Variants in CATSPERB observed in about 807,000 individuals in gnomAD.
CATSPERB encodes cation channel sperm-associated auxiliary subunit beta.
A neutral mutation model predicts 128.3 loss-of-function variants in CATSPERB; 93 were observed. That is an observed-to-expected ratio of 0.72 (90% CI 0.61 to 0.86). The LOEUF (loss-of-function observed/expected upper bound fraction) is 0.86, where lower values mean the gene tolerates loss of function less well. CATSPERB is among the 40% of genes least tolerant of loss of function. CATSPERB has a pLI of 0.00. For synonymous variants in CATSPERB, 381 were observed against 448.8 expected, an observed-to-expected ratio of 0.85 and a Z score of 1.91; for missense variants, 1,153 against 1,329.5, an observed-to-expected ratio of 0.87 and a Z score of 2.06.
Position 91,608,401 on chromosome 14 carries a change from T to C in CATSPERB, c.2602A>G (p.Asn868Asp). The part of the protein sequence containing the change: ...GFNLIKTLPI[N>D]YRPPSNMGIA... ...CCCATATTAGATGGAGGCCTGTAGT[T>C]TATCTGCAAGTGATTAAACAAAGAA... is the stretch of plus-strand genomic sequence containing the variant. Residue 868 changes from asparagine (N) to aspartate (D), a missense_variant, in exon 22 of 27, where the codon AAC (asparagine) becomes GAC (aspartate). Asn to Asp is a conservative substitution (Grantham distance 23). Transcript: ENST00000256343. 1 of 1,516,542 alleles carries C rather than the reference T, an allele frequency of 6.6e-7. No homozygotes were observed. The highest frequency in any genetic ancestry group is 2.3e-5 in the East Asian group (1 of 44,286). 93.9% of individuals were successfully genotyped at this position (1,516,542 alleles called of 1,614,324 possible). A position where few individuals can be genotyped will look rare whatever the true frequency, so the allele number is the denominator to read the frequency against.
In CATSPERB at chr14:91,719,479, C is replaced by A; in HGVS notation, c.310-1G>T. On this transcript the variant is annotated splice_acceptor_variant, in intron 4 of 26. Transcript: ENST00000256343. LOFTEE classifies it high-confidence loss of function. ...CCAACCACAAAATCCGATCACTGAA[C>A]TTGAATAAAGAAGACATCAGAAAAC... The A allele has an allele frequency of 1.2e-6, 2 of 1,609,006 alleles. No homozygotes were observed. The highest frequency in any genetic ancestry group is 1.7e-6 in the Non-Finnish European group (2 of 1,176,990).
chr14:91,697,445 C>G (rs1895582511), intron 7 of CATSPERB, among the ~76,000 whole-genome samples: 1 of 152,102 alleles, frequency 6.6e-6, no homozygotes, highest in Admixed American at 6.6e-5. Flanking sequence ...AGGCAGTGGA[C>G]AGAGTGTACG....
chr14:91,671,552 T>C (rs1459120187), intron 13 of CATSPERB, among the ~76,000 whole-genome samples: 13 of 151,178 alleles, frequency 8.6e-5, no homozygotes, highest in African/African-American at 1.9e-4. Context: ...GATTGCACCA[T>C]TGCACTCCAG....
rs554332424 is a variant in CATSPERB, at chr14:91,633,337, G to C, written c.1742+3088C>G. 2.6e-5 allele frequency among the ~76,000 whole-genome samples: 4 copies of C among 151,924 alleles called. No homozygotes were observed. In the East Asian group the frequency reaches 5.8e-4, roughly 22 times the overall value. On this transcript the variant is annotated intron_variant, in intron 17 of 26. Transcript: ENST00000256343. ...GACCATAATGAATGGCCTAGTCCTA[G>C]GCCATAAAGTAAGTTTCAAACAATT...
At chr14:91,655,692 C>T (rs1410595016) in intron 15 of CATSPERB, among the ~76,000 whole-genome samples, 2 of 152,084 alleles carry the variant, frequency 1.3e-5, no homozygotes, top group Non-Finnish European at 2.9e-5. Context: ...CTTGTAAAAT[C>T]TAGAAATTAG....
chr14:91,703,882 A>G (rs545606484), intron 7 of CATSPERB, among the ~76,000 whole-genome samples: 1 of 152,338 alleles, frequency 6.6e-6, no homozygotes, highest in African/African-American at 2.4e-5. Context: ...TCCCCAAATT[A>G]TAATTAGTTG....
intron 15 of CATSPERB, among the ~76,000 whole-genome samples, chr14:91,652,820 T>C (rs1265664040): frequency 4.6e-5 from 7 of 152,000 alleles, no homozygotes; most frequent in Admixed American, 4.6e-4. Context: ...TAAAGTCTGA[T>C]CACCAGAATC....
In CATSPERB at chr14:91,647,425, A is replaced by G. The variant is rs1239726712; in HGVS notation, c.1433-8175T>C. ...AGGAATTTGTAAATCTCTTCAGGTC[A>G]AAAGGACTTTGGTACTGTGTGCCCT... On this transcript the variant is annotated intron_variant, in intron 15 of 26. Transcript: ENST00000256343. Among the ~76,000 whole-genome samples, 4 of 152,210 alleles carry G rather than the reference A, an allele frequency of 2.6e-5. No homozygotes were observed. In the East Asian group the frequency reaches 7.7e-4, roughly 29 times the overall value.
intron 5 of CATSPERB, among the ~76,000 whole-genome samples, chr14:91,712,853 T>G (rs1330558354): frequency 2.0e-5 from 3 of 152,150 alleles, no homozygotes; most frequent in Non-Finnish European, 4.4e-5. Flanking sequence ...AACATGCACA[T>G]CTTTGGCTGT....
At chr14:91,613,443 T>C (rs1893871629) in intron 20 of CATSPERB, among the ~76,000 whole-genome samples, 1 of 152,124 alleles carries the variant, frequency 6.6e-6, no homozygotes, top group African/African-American at 2.4e-5. Flanking sequence ...TGTCCTAATT[T>C]CAGGGAAAAA....
intron 15 of CATSPERB, among the ~76,000 whole-genome samples, chr14:91,643,933 C>G (rs1167449229): frequency 1.5e-5 from 2 of 133,498 alleles, no homozygotes; most frequent in African/African-American, 5.8e-5. Flanking sequence ...ATTAGCTCTT[C>G]TTGTTGAATT....
chr14:91,651,204 C>T (rs1232750804), intron 15 of CATSPERB, among the ~76,000 whole-genome samples: 1 of 152,160 alleles, frequency 6.6e-6, no homozygotes. Context: ...GAGAAGGAGA[C>T]AGAAGTTAAG....
At chr14:91,582,742 C>A (rs1263112486) in intron 26 of CATSPERB, among the ~76,000 whole-genome samples, 1 of 152,230 alleles carries the variant, frequency 6.6e-6, no homozygotes, top group East Asian at 1.9e-4. Context: ...GGCAAAGAAA[C>A]CACCTGACTG....
At chr14:91,624,731 C>T (rs1431681434) in intron 18 of CATSPERB, 89 bp downstream of exon 18, 3 of 928,334 alleles carry the variant, frequency 3.2e-6, no homozygotes, top group Non-Finnish European at 4.6e-6. Context: ...AAATCTATTG[C>T]TCTATAAATA....
At chr14:91,726,795 C>G (rs921651449) in intron 2 of CATSPERB, among the ~76,000 whole-genome samples, 2 of 152,136 alleles carry the variant, frequency 1.3e-5, no homozygotes, top group Non-Finnish European at 2.9e-5. Context: ...CTTGAAAGTG[C>G]AAATGTCAGA....
At chr14:91,673,506 ACTGAATCC>A (rs893943679) in intron 12 of CATSPERB, among the ~76,000 whole-genome samples, 1 of 152,174 alleles carries the variant, frequency 6.6e-6, no homozygotes, top group African/African-American at 2.4e-5. Context: ...CAGGACCTAG[ACTGAATCC>A]CTGGTGTTTT....
intron 26 of CATSPERB, among the ~76,000 whole-genome samples, chr14:91,581,787 TA>T (rs1372540131): frequency 6.6e-6 from 1 of 152,144 alleles, no homozygotes; most frequent in Non-Finnish European, 1.5e-5. Flanking sequence ...AAGTGGGGCA[TA>T]AAGAGAGTAG....
chr14:91,729,496 G>T lies in CATSPERB; in HGVS notation c.1-17C>A, dbSNP rs376167526. On this transcript the variant is annotated splice_polypyrimidine_tract_variant and intron_variant, in intron 1 of 26. Coordinates refer to ENST00000256343, the MANE Select transcript of CATSPERB (RefSeq NM_024764.4). ...CGATTCCATCTGTTGGAATAAATAA[G>T]AATTATTTTCACTCAATTTCTGAAC... 31 of 1,374,834 alleles carry T rather than the reference G, an allele frequency of 2.3e-5. No homozygotes were observed. In the African/African-American group the frequency reaches 4.1e-4, roughly 18 times the overall value. 85.2% of individuals were successfully genotyped at this position (1,374,834 alleles called of 1,614,324 possible).
intron 6 of CATSPERB, among the ~76,000 whole-genome samples, chr14:91,705,828 AAG>A (rs1895723523): frequency 6.6e-6 from 1 of 152,214 alleles, no homozygotes; most frequent in Non-Finnish European, 1.5e-5. Flanking sequence ...AGCCTTTCGA[AAG>A]AACGTCATCA....
Sources: allele counts gnomAD v4.1 joint callset (sites outside exome capture counted in the v4.1 genomes callset), GRCh38; gene constraint gnomAD v4.1.1; transcripts MANE v1.5; gene names NCBI Gene and HGNC (gene_info 2026-07-23, HGNC 2026-07-21).